The following STS variants were observed in gnomAD, a reference collection of about 807,000 sequenced individuals.
The protein encoded by STS is steryl-sulfatase.
In STS, 7 loss-of-function variants were observed where a neutral mutation model predicts 26.8. That is an observed-to-expected ratio of 0.26 (90% CI 0.15 to 0.49). The LOEUF (loss-of-function observed/expected upper bound fraction) is 0.49, where lower values mean the gene tolerates loss of function less well. Among genes scored for constraint, STS ranks in the 20% least tolerant of loss-of-function variants. STS has a pLI of 0.98. For missense variants in STS, 434 were observed against 465.6 expected (o/e 0.93, Z 0.63); for synonymous variants, 199 against 189.4 (o/e 1.05, Z -0.42).
intron 1 of STS, among the ~76,000 whole-genome samples, chrX:7,149,869 C>T (rs1344701665): frequency 9.0e-6 from 1 of 111,599 alleles, no homozygotes; most frequent in Non-Finnish European, 1.9e-5. Flanking sequence ...TATAAGAACA[C>T]GATTCTTATT....
At chrX:7,297,353 T>C (rs1925716833) in intron 7 of STS, among the ~76,000 whole-genome samples, 1 of 110,100 alleles carries the variant, frequency 9.1e-6, no homozygotes, top group Non-Finnish European at 1.9e-5. Context: ...CCAATTGAAA[T>C]TCAAGAAACA....
At chrX:7,342,650 T>C (rs1188454543) in intron 10 of STS, among the ~76,000 whole-genome samples, 2 of 112,349 alleles carry the variant, frequency 1.8e-5, no homozygotes, top group East Asian at 2.8e-4. Flanking sequence ...GCAGAACTTA[T>C]CTACTGTCAT....
At chrX:7,317,071 CTT>C (rs1926744900) in intron 8 of STS, among the ~76,000 whole-genome samples, 1 of 111,995 alleles carries the variant, frequency 8.9e-6, no homozygotes, top group African/African-American at 3.2e-5. Context: ...TAACAAGAGT[CTT>C]TGAGTAAATT....
intron 10 of STS, among the ~76,000 whole-genome samples, chrX:7,349,235 C>T (rs1246992253): frequency 2.0e-5 from 2 of 98,942 alleles, no homozygotes; most frequent in East Asian, 6.5e-4. Flanking sequence ...AGGCTCAAGG[C>T]TCAAGTGATT....
At chrX:7,308,699 C>T (rs1926334187) in intron 8 of STS, among the ~76,000 whole-genome samples, 1 of 111,697 alleles carries the variant, frequency 9.0e-6, no homozygotes, top group South Asian at 3.7e-4. Context: ...TGATTAATGT[C>T]TCAGCCACCG....
chrX:7,205,653 T>A (rs1204430064), intron 2 of STS, among the ~76,000 whole-genome samples: 1 of 107,033 alleles, frequency 9.3e-6, no homozygotes, highest in Non-Finnish European at 1.9e-5. Context: ...TTTTTTTTTT[T>A]TTTGAGACAG....
chrX:7,311,255 C>G (rs950559125), intron 8 of STS, among the ~76,000 whole-genome samples: 9 of 110,588 alleles, frequency 8.1e-5, no homozygotes, highest in Non-Finnish European at 1.7e-4. Flanking sequence ...GTTCTCTACC[C>G]AGACACTGGA....
At chrX:7,305,906 T>C (rs1212582082) in intron 8 of STS, among the ~76,000 whole-genome samples, 1 of 112,067 alleles carries the variant, frequency 8.9e-6, no homozygotes, top group African/African-American at 3.2e-5. Context: ...TCTTTTGCCA[T>C]GGGGTGTAAC....
chrX:7,172,246 G>C (rs1445414074), intron 1 of STS, among the ~76,000 whole-genome samples: 1 of 111,520 alleles, frequency 9.0e-6, no homozygotes, highest in African/African-American at 3.3e-5. Flanking sequence ...TAGGACTGTA[G>C]AAGCAGCATC....
At chrX:7,154,615 G>T (rs757430335) in intron 1 of STS, among the ~76,000 whole-genome samples, 5 of 112,234 alleles carry the variant, frequency 4.5e-5, no homozygotes, top group South Asian at 7.4e-4. Context: ...ACCTGAAAAC[G>T]ATCAGGGTGG....
intron 1 of STS, among the ~76,000 whole-genome samples, chrX:7,190,055 A>G (rs1391540829): frequency 9.1e-6 from 1 of 110,041 alleles, no homozygotes; most frequent in Non-Finnish European, 1.9e-5. Flanking sequence ...AGGGAGGGGG[A>G]TGGTTTTGGG....
intron 2 of STS, among the ~76,000 whole-genome samples, chrX:7,201,264 G>C (rs1199276323): frequency 9.0e-6 from 1 of 111,365 alleles, no homozygotes; most frequent in African/African-American, 3.3e-5. Context: ...TGGATGGATA[G>C]ATAGATAGCA....
chrX:7,336,388 A>G (rs1229219848), intron 10 of STS, among the ~76,000 whole-genome samples: 1 of 111,495 alleles, frequency 9.0e-6, no homozygotes, highest in Non-Finnish European at 1.9e-5. Context: ...TTATCATTTA[A>G]AGAAAAGCCT....
At chrX:7,274,660 A>C (rs112180932) in intron 6 of STS, among the ~76,000 whole-genome samples, 2,290 of 112,178 alleles carry the variant, frequency 0.02, 50 homozygotes, top group African/African-American at 0.067. Flanking sequence ...ACGCATTGAC[A>C]GTGACTTATA....
intron 1 of STS, among the ~76,000 whole-genome samples, chrX:7,158,855 A>G (rs1226948670): frequency 1.8e-5 from 2 of 112,276 alleles, no homozygotes; most frequent in African/African-American, 6.5e-5. Context: ...CTGGTATAAG[A>G]CATTTCTGCA....
At chrX:7,210,763 A>G (rs1921006646) in intron 2 of STS, among the ~76,000 whole-genome samples, 1 of 109,938 alleles carries the variant, frequency 9.1e-6, no homozygotes, top group Non-Finnish European at 1.9e-5. Context: ...TAGGTAAAAT[A>G]TGCAAATAAA....
intron 7 of STS, among the ~76,000 whole-genome samples, chrX:7,280,054 G>A (rs1407835658): frequency 8.9e-6 from 1 of 111,792 alleles, no homozygotes; most frequent in Non-Finnish European, 1.9e-5. Flanking sequence ...TTCTTTCCAT[G>A]TAATAAGAAA....
intron 1 of STS, among the ~76,000 whole-genome samples, chrX:7,173,425 G>C (rs1933506580): frequency 9.0e-6 from 1 of 111,640 alleles, no homozygotes; most frequent in Non-Finnish European, 1.9e-5. Context: ...CTTTATAATA[G>C]AGTGATTTAT....
chrX:7,259,526 TC>T lies in STS; in HGVS notation c.561del (p.Ile187MetfsTer22). On this transcript the variant is annotated frameshift_variant, in exon 6 of 11. Transcript: ENST00000674429. LOFTEE classifies it high-confidence loss of function. ...AGGCTGGTCTTCCTCCCCCTGCAGA[TC>T]GTCGGGGTCACCCTCCTTACCCTTG... ...FKRLVFLPLQ[I>X]VGVTLLTLAA... is the part of the protein sequence containing the mutation. The T allele has an allele frequency of 8.3e-7, 1 of 1,211,748 alleles. No individual in the cohort carries two copies. Among genetic ancestry groups the T allele is most frequent in the Non-Finnish European group, 1.1e-6 (1 of 895,425 alleles).
Sources: gnomAD v4.1 joint callset for allele counts (sites outside exome capture counted in the v4.1 genomes callset) on GRCh38, gnomAD v4.1.1 for gene constraint, MANE v1.5 for transcripts, NCBI Gene and HGNC (gene_info 2026-07-23, HGNC 2026-07-21) for gene names.